The following ECEL1 variants were observed in gnomAD, a reference collection of about 807,000 sequenced individuals.
ECEL1 encodes endothelin converting enzyme like 1.
A neutral mutation model predicts 101.8 loss-of-function variants in ECEL1; 87 were observed. The observed-to-expected ratio is 0.85, with a 90% CI of 0.72 to 1.02. The LOEUF (loss-of-function observed/expected upper bound fraction) is 1.02, where lower values mean the gene tolerates loss of function less well. Among genes scored for constraint, ECEL1 ranks in the 50% least tolerant of loss-of-function variants. ECEL1 has a pLI of 0.00. For synonymous variants in ECEL1, 487 were observed against 468.7 expected (o/e 1.04, Z -0.50); for missense variants, 1,032 against 1,079.2 (o/e 0.96, Z 0.61).
chr2:232,485,223 G>C lies in ECEL1; in HGVS notation c.831C>G (p.Leu277=), dbSNP rs866376011. 1 of 1,613,528 alleles carries C rather than the reference G, an allele frequency of 6.2e-7. No individual in the cohort carries two copies. The highest frequency in any genetic ancestry group is 8.5e-7 in the Non-Finnish European group (1 of 1,179,994). Residue 277 remains leucine (L), a synonymous_variant, in exon 3 of 18, where the codon CTC becomes CTG. Coordinates refer to ENST00000304546, the MANE Select transcript of ECEL1 (RefSeq NM_004826.4). ...GLTLPERTLY[L]AQDEDSEKIL... ...CCTTCTCACTGTCCTCATCCTGAGCGAGGTACAGGGTCCTCTCTGGCAGGG... is the reference window on the plus strand; with the variant it reads ...CCTTCTCACTGTCCTCATCCTGAGCCAGGTACAGGGTCCTCTCTGGCAGGG...
chr2:232,486,739 G>A lies in ECEL1; in HGVS notation c.-86C>T. The stretch of plus-strand genomic sequence containing the variant: ...CCGGCCTCCTCGTGGGCCTCCGCAT[G>A]GCCCTGGGGCCGCAGCTGCGGGAAG... On this transcript the variant is annotated 5_prime_UTR_variant, in exon 2 of 18. Coordinates refer to ENST00000304546, the MANE Select transcript of ECEL1 (RefSeq NM_004826.4). The A allele has an allele frequency of 7.7e-7, 1 of 1,302,624 alleles. No homozygotes were observed. Among genetic ancestry groups the A allele is most frequent in the Admixed American group, 3.8e-5 (1 of 26,428 alleles). The allele number at this position is 1,302,624 out of a possible 1,614,324, so 80.7% of individuals were successfully genotyped here. A position where few individuals can be genotyped will look rare whatever the true frequency, so the allele number is the denominator to read the frequency against.
At position 232,483,120 on chromosome 2, in the gene ECEL1, C is replaced by T; in HGVS notation, c.1566G>A (p.Val522=). Residue 522 remains valine (V), a synonymous_variant, in exon 9 of 18, where the codon GTG becomes GTA. Coordinates refer to ENST00000304546, the MANE Select transcript of ECEL1 (RefSeq NM_004826.4). ...YPDFLLKPDA[V]DKEYEFEVHE... ...CAGGGCCCACCTCATACTCCTTGTC[C>T]ACAGCATCGGGTTTCAGCAGGAAGT... 1 of 1,609,504 alleles carries T rather than the reference C, an allele frequency of 6.2e-7. No homozygotes were observed. Among genetic ancestry groups the T allele is most frequent in the Non-Finnish European group, 8.5e-7 (1 of 1,178,308 alleles).
intron 6 of ECEL1, 35 bp downstream of exon 6, chr2:232,484,437 C>T (rs1393129863): frequency 1.2e-6 from 2 of 1,610,348 alleles, no homozygotes; most frequent in Admixed American, 1.7e-5. Context: ...GACCTAGTGA[C>T]CGCTGGGCAG....
chr2:232,480,993 C>G, intron 15 of ECEL1, 98 bp downstream of exon 15: 3 of 1,470,958 alleles, frequency 2.0e-6, no homozygotes, highest in Non-Finnish European at 2.8e-6. Context: ...CAGAGCTCAG[C>G]AGGGTGGGCA....
intron 15 of ECEL1, 126 bp downstream of exon 15, chr2:232,480,965 C>T: frequency 7.2e-7 from 1 of 1,393,116 alleles, no homozygotes; most frequent in Non-Finnish European, 9.9e-7. Context: ...CCAGCACATG[C>T]CCTGCCCCAC....
chr2:232,486,683 G>T lies in ECEL1; in HGVS notation c.-30C>A, dbSNP rs750247749. On this transcript the variant is annotated 5_prime_UTR_variant, in exon 2 of 18. Transcript: ENST00000304546. Reference sequence around the variant, plus strand: ...CCGAGGCCGCCGCGGTGCAGACCTGGGCCACCTGGGCTACGGGATGCGCGT... The same window carrying T: ...CCGAGGCCGCCGCGGTGCAGACCTGTGCCACCTGGGCTACGGGATGCGCGT... 5 of 1,473,080 alleles carry T rather than the reference G, an allele frequency of 3.4e-6. No homozygotes were observed. The African/African-American group carries it at 7.4e-5, about 22-fold the overall frequency. 91.3% of individuals were successfully genotyped at this position (1,473,080 alleles called of 1,614,324 possible). A position where few individuals can be genotyped will look rare whatever the true frequency, so the allele number is the denominator to read the frequency against.
At position 232,485,849 on chromosome 2, in the gene ECEL1, G is replaced by A; in HGVS notation, c.786+19C>T. 6.5e-7 allele frequency: 1 copy of A among 1,541,974 alleles called. No homozygotes were observed. The highest frequency in any genetic ancestry group is 8.7e-7 in the Non-Finnish European group (1 of 1,148,382). ...CCGGATCCGCGGCCGCTGGCAGGGC[G>A]CTCAGGGGGCGCACTCACGCGGATG... On this transcript the variant is annotated intron_variant, in intron 2 of 17. Transcript: ENST00000304546.
At chr2:232,485,152 C>T (rs1575078023) in intron 3 of ECEL1, 47 bp downstream of exon 3, 1 of 1,612,578 alleles carries the variant, frequency 6.2e-7, no homozygotes, top group Non-Finnish European at 8.5e-7. Flanking sequence ...ATCCACCCCT[C>T]CTGGGGCCCC....
Position 232,480,111 on chromosome 2 carries a change from T to C in ECEL1, c.*42A>G, listed in dbSNP as rs374131234. 1.3e-6 allele frequency: 2 copies of C among 1,598,182 alleles called. No homozygotes were observed. Among genetic ancestry groups the C allele is most frequent in the African/African-American group, 2.7e-5 (2 of 74,692 alleles). On this transcript the variant is annotated 3_prime_UTR_variant, in exon 18 of 18. Transcript: ENST00000304546. ...TGCCCCGGTAGCCAGCAGGAGGTGA[T>C]TCGTGCGGGGGCAGTGGGGGCGTGC...
intron 15 of ECEL1, 51 bp downstream of exon 15, chr2:232,481,040 T>A (rs773404046): frequency 7.8e-6 from 12 of 1,546,628 alleles, no homozygotes; most frequent in African/African-American, 1.4e-5. Context: ...GGAGTCCTCA[T>A]CAGCCCCCGT....
rs768747827 is a variant in ECEL1, at chr2:232,486,137, C to G, written c.517G>C (p.Gly173Arg). 5 of 1,563,452 alleles carry G rather than the reference C, an allele frequency of 3.2e-6. No individual in the cohort carries two copies. In the Admixed American group the frequency reaches 7.5e-5, roughly 23 times the overall value. ...RLLARPGGGP[G>R]GAAQRKVRAF... Reference sequence around the variant, plus strand: ...CGCACCTTGCGCTGGGCCGCGCCGCCAGGCCCACCCCCGGGCCGCGCCAGC... The same window carrying G: ...CGCACCTTGCGCTGGGCCGCGCCGCGAGGCCCACCCCCGGGCCGCGCCAGC... The change falls in exon 2 of 18, where the codon GGC (glycine) becomes CGC (arginine). Residue 173 changes from glycine to arginine, a missense_variant. Gly to Arg is a moderately radical substitution (Grantham distance 125, BLOSUM62 -2). Transcript: ENST00000304546.
rs1690529765 is a variant in ECEL1, at chr2:232,479,853, C to T, written c.*300G>A. Reference sequence around the variant, plus strand: ...ACAGTGCAGTGATTTATTGACCAGACTTTGCAGCAAGAACACAGCGAAGGT... The same window carrying T: ...ACAGTGCAGTGATTTATTGACCAGATTTTGCAGCAAGAACACAGCGAAGGT... On this transcript the variant is annotated 3_prime_UTR_variant, in exon 18 of 18. Transcript: ENST00000304546. The T allele has an allele frequency of 2.3e-6, 1 of 439,692 alleles. No individual in the cohort carries two copies. The highest frequency in any genetic ancestry group is 4.1e-6 in the Non-Finnish European group (1 of 241,100). The allele number at this position is 439,692 out of a possible 1,614,324, so 27.2% of individuals were successfully genotyped here. A position where few individuals can be genotyped will look rare whatever the true frequency, so the allele number is the denominator to read the frequency against.
At chr2:232,481,311 C>T (rs945955023) in intron 14 of ECEL1, among the ~76,000 whole-genome samples, 155 bp from the exon 15 acceptor site, 4 of 152,242 alleles carry the variant, frequency 2.6e-5, no homozygotes, top group African/African-American at 9.6e-5. Context: ...TCTTTCCTCC[C>T]AACCCCCTTG....
At chr2:232,485,328 G>A in intron 2 of ECEL1, 61 bp from the exon 3 acceptor site, 2 of 1,580,514 alleles carry the variant, frequency 1.3e-6, no homozygotes, top group Admixed American at 1.8e-5. Context: ...CTAAACAGAG[G>A]GAATTCCCAC....
intron 15 of ECEL1, 126 bp downstream of exon 15, chr2:232,480,965 C>A: frequency 7.2e-7 from 1 of 1,393,116 alleles, no homozygotes; most frequent in East Asian, 2.5e-5. Context: ...CCAGCACATG[C>A]CCTGCCCCAC....
Position 232,479,864 on chromosome 2 carries a change from G to A in ECEL1, c.*289C>T, listed in dbSNP as rs1296437339. ...ATTTATTGACCAGACTTTGCAGCAAGAACACAGCGAAGGTGGGGCCCGTAC... is the reference window on the plus strand; with the variant it reads ...ATTTATTGACCAGACTTTGCAGCAAAAACACAGCGAAGGTGGGGCCCGTAC... On this transcript the variant is annotated 3_prime_UTR_variant, in exon 18 of 18. Coordinates refer to ENST00000304546, the MANE Select transcript of ECEL1 (RefSeq NM_004826.4). 8.5e-6 allele frequency: 4 copies of A among 470,680 alleles called. No individual in the cohort carries two copies. Among genetic ancestry groups the A allele is most frequent in the African/African-American group, 2.0e-5 (1 of 51,218 alleles). The allele number at this position is 470,680 out of a possible 1,614,324, so 29.2% of individuals were successfully genotyped here. A position where few individuals can be genotyped will look rare whatever the true frequency, so the allele number is the denominator to read the frequency against.
chr2:232,486,280 T>G lies in ECEL1; in HGVS notation c.374A>C (p.Asp125Ala). 1 of 1,599,006 alleles carries G rather than the reference T, an allele frequency of 6.3e-7. No individual in the cohort carries two copies. Among genetic ancestry groups the G allele is most frequent in the Non-Finnish European group, 8.5e-7 (1 of 1,177,786 alleles). The change falls in exon 2 of 18, where the codon GAC (aspartate) becomes GCC (alanine). Residue 125 changes from aspartate (D) to alanine (A), a missense_variant. By Grantham distance (126) the Asp-to-Ala change is moderately radical. Coordinates refer to ENST00000304546, the MANE Select transcript of ECEL1 (RefSeq NM_004826.4). The part of the protein sequence containing the change: ...NLDASIDPCQ[D>A]FYSFACGGWL... ...ACCGCCGCAGGCGAACGAGTAGAAG[T>G]CCTGGCATGGGTCGATGCTGGCGTC...
rs1275783455 is a variant in ECEL1 at position 232,486,411 on chromosome 2, G to A, written c.243C>T (p.Ala81=). ...CCGCGACCGGGCCCAGGTACTTGAG[G>A]GCCAGCATAGCCGCCAGAATGGCGC... ...GLCAILAAML[A]LKYLGPVAAG... is the part of the protein sequence containing the mutation. The change falls in exon 2 of 18, where the codon GCC becomes GCT. Residue 81 remains alanine (A), a synonymous_variant. Coordinates refer to ENST00000304546, the MANE Select transcript of ECEL1 (RefSeq NM_004826.4). 7 of 1,469,092 alleles carry A rather than the reference G, an allele frequency of 4.8e-6. No homozygotes were observed. The highest frequency in any genetic ancestry group is 2.4e-4 in the Middle Eastern group (1 of 4,116). 91.0% of individuals were successfully genotyped at this position (1,469,092 alleles called of 1,614,324 possible).
At position 232,486,417 on chromosome 2, in the gene ECEL1, C is replaced by A; in HGVS notation, c.237G>T (p.Met79Ile). 1 of 1,465,276 alleles carries A rather than the reference C, an allele frequency of 6.8e-7. No homozygotes were observed. Among genetic ancestry groups the A allele is most frequent in the Non-Finnish European group, 8.9e-7 (1 of 1,120,980 alleles). 90.8% of individuals were successfully genotyped at this position (1,465,276 alleles called of 1,614,324 possible). ...AAGLCAILAA[M>I]LALKYLGPVA... ...CCGGGCCCAGGTACTTGAGGGCCAG[C>A]ATAGCCGCCAGAATGGCGCAGAGGC... Residue 79 changes from methionine to isoleucine, a missense_variant, in exon 2 of 18, where the codon ATG becomes ATT. Transcript: ENST00000304546.
Sources: gnomAD v4.1 joint callset for allele counts (sites outside exome capture counted in the v4.1 genomes callset) on GRCh38, gnomAD v4.1.1 for gene constraint, MANE v1.5 for transcripts, NCBI Gene and HGNC (gene_info 2026-07-23, HGNC 2026-07-21) for gene names.